Variants in FAM171A1 observed in about 807,000 individuals in gnomAD.
The protein encoded by FAM171A1 is protein FAM171A1.
In FAM171A1, 23 loss-of-function variants were observed where a neutral mutation model predicts 74.9. That is an observed-to-expected ratio of 0.31 (90% CI 0.22 to 0.44). The LOEUF (loss-of-function observed/expected upper bound fraction) is 0.44, where lower values mean the gene tolerates loss of function less well. Ranked by LOEUF, FAM171A1 falls within the 20% of genes least tolerant of loss-of-function variation. The pLI, the probability that FAM171A1 is intolerant of heterozygous loss-of-function variation, is 1.00. For missense variants in FAM171A1, 1,162 were observed against 1,159.2 expected, an observed-to-expected ratio of 1.00 and a Z score of -0.03; for synonymous variants, 527 against 505.7, an observed-to-expected ratio of 1.04 and a Z score of -0.57.
intron 5 of FAM171A1, among the ~76,000 whole-genome samples, chr10:15,233,421 C>A (rs1444220733): frequency 6.6e-6 from 1 of 151,982 alleles, no homozygotes; most frequent in Non-Finnish European, 1.5e-5. Context: ...GCTGGGCTGC[C>A]AGATACAAAT....
At chr10:15,263,132 T>C (rs1412660576) in intron 3 of FAM171A1, among the ~76,000 whole-genome samples, 5 of 152,202 alleles carry the variant, frequency 3.3e-5, no homozygotes, top group African/African-American at 9.6e-5. Flanking sequence ...GTCGGCCCGA[T>C]GACAGTGCCC....
intron 3 of FAM171A1, among the ~76,000 whole-genome samples, chr10:15,267,183 G>C (rs186628228): frequency 1.2e-4 from 18 of 152,378 alleles, no homozygotes; most frequent in Non-Finnish European, 2.2e-4. Context: ...GCCTGTGTCA[G>C]GGCATGGGCA....
At chr10:15,350,280 ATGGCCATGTGGTC>A (rs59833018) in intron 1 of FAM171A1, among the ~76,000 whole-genome samples, 63,729 of 151,976 alleles carry the variant, frequency 0.42, 13,603 homozygotes, top group Non-Finnish European at 0.49. Flanking sequence ...ATCCACAGGG[ATGGCCATGTGGTC>A]TTGAAAGCAC....
intron 3 of FAM171A1, among the ~76,000 whole-genome samples, chr10:15,274,457 T>C (rs1400789683): frequency 6.6e-6 from 1 of 152,224 alleles, no homozygotes; most frequent in Non-Finnish European, 1.5e-5. Flanking sequence ...ATGGCCATAC[T>C]GCCCAAGGTA....
intron 6 of FAM171A1, among the ~76,000 whole-genome samples, 170 bp downstream of exon 6, chr10:15,220,774 C>G (rs1317999605): frequency 6.6e-6 from 1 of 152,132 alleles, no homozygotes; most frequent in Non-Finnish European, 1.5e-5. Flanking sequence ...CCAGAAGTCC[C>G]CCACCCCCGC....
chr10:15,214,974 C>A (rs1409371676), intron 7 of FAM171A1, among the ~76,000 whole-genome samples: 1 of 151,920 alleles, frequency 6.6e-6, no homozygotes, highest in East Asian at 1.9e-4. Flanking sequence ...GTTGCCCAGG[C>A]TGGTCTTAAA....
chr10:15,310,630 G>A (rs1564273479), intron 1 of FAM171A1, among the ~76,000 whole-genome samples: 1 of 152,090 alleles, frequency 6.6e-6, no homozygotes, highest in Non-Finnish European at 1.5e-5. Context: ...GCGAGGCCAA[G>A]GCAGGAGGAT....
At chr10:15,296,494 T>C (rs1349095202) in intron 1 of FAM171A1, among the ~76,000 whole-genome samples, 1 of 152,092 alleles carries the variant, frequency 6.6e-6, no homozygotes, top group Non-Finnish European at 1.5e-5. Flanking sequence ...TGTGTGTGTT[T>C]AATTCTGAAA....
At chr10:15,259,029 C>G (rs1186771643) in intron 3 of FAM171A1, among the ~76,000 whole-genome samples, 1 of 152,186 alleles carries the variant, frequency 6.6e-6, no homozygotes. Context: ...AGATGCCCAT[C>G]TGTCACTCTA....
intron 1 of FAM171A1, among the ~76,000 whole-genome samples, chr10:15,287,314 C>G (rs1265553388): frequency 1.3e-5 from 2 of 151,448 alleles, no homozygotes; most frequent in Non-Finnish European, 2.9e-5. Flanking sequence ...GGATGGTCTC[C>G]ATCTCCTGAC....
chr10:15,284,498 C>A (rs1046659411), intron 1 of FAM171A1, among the ~76,000 whole-genome samples: 2 of 152,142 alleles, frequency 1.3e-5, no homozygotes, highest in African/African-American at 4.8e-5. Context: ...TGATGGCTCA[C>A]TGCAGTCTCG....
At chr10:15,269,571 A>G (rs1834794838) in intron 3 of FAM171A1, among the ~76,000 whole-genome samples, 2 of 152,202 alleles carry the variant, frequency 1.3e-5, no homozygotes, top group South Asian at 4.1e-4. Context: ...GATCATGTTT[A>G]CAGACATCAC....
At chr10:15,278,275 C>T (rs368784241) in intron 2 of FAM171A1, among the ~76,000 whole-genome samples, 43 of 152,204 alleles carry the variant, frequency 2.8e-4, no homozygotes, top group African/African-American at 8.0e-4. Context: ...CTGTACGACA[C>T]GCAGAATGGG....
At chr10:15,235,251 G>A (rs1287926840) in intron 5 of FAM171A1, among the ~76,000 whole-genome samples, 1 of 137,480 alleles carries the variant, frequency 7.3e-6, no homozygotes, top group Admixed American at 8.1e-5. Context: ...GCAGTGGGCC[G>A]AGATTGCGCC....
chr10:15,278,629 C>T (rs541417639), intron 2 of FAM171A1, among the ~76,000 whole-genome samples: 3 of 152,250 alleles, frequency 2.0e-5, no homozygotes, highest in East Asian at 1.9e-4. Flanking sequence ...AAACATCAGG[C>T]TGAGCGAAAG....
intron 5 of FAM171A1, among the ~76,000 whole-genome samples, chr10:15,248,197 C>A (rs1198275910): frequency 6.6e-6 from 1 of 151,956 alleles, no homozygotes; most frequent in Non-Finnish European, 1.5e-5. Context: ...TAGTGGTTTT[C>A]TCTAGGTGGT....
intron 3 of FAM171A1, among the ~76,000 whole-genome samples, chr10:15,268,120 A>G (rs764839789): frequency 6.6e-6 from 1 of 152,106 alleles, no homozygotes; most frequent in Non-Finnish European, 1.5e-5. Flanking sequence ...TCCCTTCCTT[A>G]CCAGGGAGGA....
chr10:15,251,322 A>G (rs566765276), intron 4 of FAM171A1, among the ~76,000 whole-genome samples: 3 of 151,924 alleles, frequency 2.0e-5, no homozygotes, highest in African/African-American at 7.3e-5. Context: ...TTCCTCCCTC[A>G]GGGCTTCATT....
intron 6 of FAM171A1, among the ~76,000 whole-genome samples, chr10:15,219,057 G>T (rs11259555): frequency 0.22 from 33,652 of 151,968 alleles, 3,974 homozygotes; most frequent in African/African-American, 0.3. Context: ...CTGAGGCGGG[G>T]GGATCACCGG....
Sources: allele counts gnomAD v4.1 joint callset (sites outside exome capture counted in the v4.1 genomes callset), GRCh38; gene constraint gnomAD v4.1.1; transcripts MANE v1.5; gene names NCBI Gene and HGNC (gene_info 2026-07-23, HGNC 2026-07-21).